Variants in CUL3 observed in about 807,000 individuals in gnomAD.
CUL3 encodes the protein cullin 3.
In CUL3, 19 loss-of-function variants were observed where a neutral mutation model predicts 89.1. The observed-to-expected ratio is 0.21, with a 90% CI of 0.15 to 0.31. The LOEUF (loss-of-function observed/expected upper bound fraction) is 0.31. Among genes scored for constraint, CUL3 ranks in the 10% least tolerant of loss-of-function variants. The pLI, the probability that CUL3 is intolerant of heterozygous loss-of-function variation, is 1.00. For missense variants in CUL3, 469 were observed against 942.3 expected, an observed-to-expected ratio of 0.50 and a Z score of 6.58; for synonymous variants, 351 against 308.4, an observed-to-expected ratio of 1.14 and a Z score of -1.45.
In CUL3 at chr2:224,472,139, A is replaced by G. The variant is rs1224337014; in HGVS notation, c.*2106T>C. The G allele has an allele frequency of 8.7e-6, 2 of 229,024 alleles. No individual in the cohort carries two copies. The highest frequency in any genetic ancestry group is 1.7e-5 in the Non-Finnish European group (2 of 115,534). The allele number at this position is 229,024 out of a possible 1,614,324, so 14.2% of individuals were successfully genotyped here. A position where few individuals can be genotyped will look rare whatever the true frequency, so the allele number is the denominator to read the frequency against. On this transcript the variant is annotated 3_prime_UTR_variant, in exon 16 of 16. Coordinates refer to ENST00000264414, the MANE Select transcript of CUL3 (RefSeq NM_003590.5). The stretch of plus-strand genomic sequence containing the variant: ...ATCTCCAACCATTCAACTGCAATTC[A>G]GAAATGTTTTAATGTATTTAGAAGC...
At position 224,485,279 on chromosome 2, in the gene CUL3, C is replaced by T. The variant is rs543212888; in HGVS notation, c.1843-3201G>A. 6.6e-6 allele frequency: 1 copy of T among 152,440 alleles called. No individual in the cohort carries two copies. The highest frequency in any genetic ancestry group is 1.9e-4 in the East Asian group (1 of 5,176). 9.4% of individuals were successfully genotyped at this position (152,440 alleles called of 1,614,324 possible). A position where few individuals can be genotyped will look rare whatever the true frequency, so the allele number is the denominator to read the frequency against. Reference sequence around the variant, plus strand: ...CCCCAGCGAGAGAGAACCGTCCACTCCCCTGGAAAGGGGGCTGAAGCCAGG... The same window carrying T: ...CCCCAGCGAGAGAGAACCGTCCACTTCCCTGGAAAGGGGGCTGAAGCCAGG... On this transcript the variant is annotated intron_variant, in intron 13 of 15. Transcript: ENST00000264414. The surrounding 1 kb of genome is among the most constrained non-coding windows in gnomAD (Gnocchi z 4.1).
intron 2 of CUL3, among the ~76,000 whole-genome samples, chr2:224,539,545 G>A (rs1694017582): frequency 6.6e-6 from 1 of 152,162 alleles, no homozygotes; most frequent in Non-Finnish European, 1.5e-5. Flanking sequence ...CAACTTGGAA[G>A]AAACCAAGAC....
intron 13 of CUL3, among the ~76,000 whole-genome samples, chr2:224,493,019 G>C (rs1692041864): frequency 6.6e-6 from 1 of 152,142 alleles, no homozygotes; most frequent in Non-Finnish European, 1.5e-5. Flanking sequence ...AACCACCCTG[G>C]AAGTGTATTC....
At position 224,570,481 on chromosome 2, in the gene CUL3, ATGTT is replaced by A. The variant is rs758492399; in HGVS notation, c.67-12629_67-12626del. ...GGCACACAGCACTTGCTCAATAAAT[ATGTT>A]TGTTTCTTCCTTGCCTATGTAGAAG... On this transcript the variant is annotated intron_variant, in intron 1 of 15. Coordinates refer to ENST00000264414, the MANE Select transcript of CUL3 (RefSeq NM_003590.5). Among the ~76,000 whole-genome samples, 3 of 152,302 alleles carry A rather than the reference ATGTT, an allele frequency of 2.0e-5. No homozygotes were observed. In the East Asian group the frequency reaches 5.8e-4, roughly 29 times the overall value.
At chr2:224,578,176 T>C (rs1295051619) in intron 1 of CUL3, among the ~76,000 whole-genome samples, 1 of 152,164 alleles carries the variant, frequency 6.6e-6, no homozygotes, top group African/African-American at 2.4e-5. Context: ...CTCAAATATT[T>C]ATGTGTCTAA....
At chr2:224,477,096 T>C (rs1691351319) in intron 15 of CUL3, among the ~76,000 whole-genome samples, 1 of 151,468 alleles carries the variant, frequency 6.6e-6, no homozygotes, top group Admixed American at 6.6e-5. Context: ...ACTCACTCCT[T>C]GTAATTCTCT....
intron 3 of CUL3, among the ~76,000 whole-genome samples, chr2:224,517,707 A>G (rs183145235): frequency 9.7e-4 from 147 of 152,310 alleles, no homozygotes; most frequent in African/African-American, 3.4e-3. Context: ...CTCATACATA[A>G]TAAATTGTCT....
In CUL3 at chr2:224,585,156, G is replaced by T; in HGVS notation, c.-147C>A. ...GGGCTGGGGAGCTGGCCGGCCCCTG[G>T]GCAGCCGCGGCGGCGGCGGGGGCGG... is the stretch of plus-strand genomic sequence containing the variant. On this transcript the variant is annotated 5_prime_UTR_variant, in exon 1 of 16. Transcript: ENST00000264414. 1 of 387,184 alleles carries T rather than the reference G, an allele frequency of 2.6e-6. No individual in the cohort carries two copies. The highest frequency in any genetic ancestry group is 3.7e-6 in the Non-Finnish European group (1 of 270,160). The allele number at this position is 387,184 out of a possible 1,614,324, so 24.0% of individuals were successfully genotyped here. A position where few individuals can be genotyped will look rare whatever the true frequency, so the allele number is the denominator to read the frequency against.
rs562583026 is a variant in CUL3, at chr2:224,577,442, A to G, written c.66+7502T>C. On this transcript the variant is annotated intron_variant, in intron 1 of 15. Coordinates refer to ENST00000264414, the MANE Select transcript of CUL3 (RefSeq NM_003590.5). ...AAATTAGCCAGGCGTGGTGGCAGGC[A>G]CCTGTAGTCCCAGCTACCAGGGAGG... Among the ~76,000 whole-genome samples the G allele has an allele frequency of 3.3e-5, 5 of 152,086 alleles. No individual in the cohort carries two copies. The South Asian group carries it at 8.3e-4, about 25-fold the overall frequency.
intron 1 of CUL3, among the ~76,000 whole-genome samples, chr2:224,565,475 T>C (rs145273956): frequency 2.6e-5 from 4 of 152,318 alleles, no homozygotes; most frequent in Non-Finnish European, 5.9e-5. Context: ...ACATTGTAAT[T>C]TGCCTGACTT....
At chr2:224,539,132 T>C (rs1694001107) in intron 2 of CUL3, among the ~76,000 whole-genome samples, 1 of 152,066 alleles carries the variant, frequency 6.6e-6, no homozygotes. Context: ...ACTTAGAAAG[T>C]AACTCAATTT....
At chr2:224,565,628 C>T (rs1695024637) in intron 1 of CUL3, among the ~76,000 whole-genome samples, 1 of 152,196 alleles carries the variant, frequency 6.6e-6, no homozygotes, top group African/African-American at 2.4e-5. Context: ...AACCTCCTGC[C>T]AGATTCTCTA....
At chr2:224,563,173 A>G in intron 1 of CUL3, 1 of 455,696 alleles carries the variant, frequency 2.2e-6, no homozygotes, top group South Asian at 1.6e-5. Flanking sequence ...CACCTTAAGA[A>G]TAACACTATG....
rs1410697260 is a variant in CUL3 at position 224,520,417 on chromosome 2, AACTTCATTTGTAACATAAGC to A, written c.379-5665_379-5646del. On this transcript the variant is annotated intron_variant, in intron 3 of 15. Transcript: ENST00000264414. ...ATCCATACAGTAAGCTTGATAAACC[AACTTCATTTGTAACATAAGC>A]ACTTCATTTGTAACATAACATCTAT... 3.3e-5 allele frequency among the ~76,000 whole-genome samples: 5 copies of A among 152,220 alleles called. No individual in the cohort carries two copies. The South Asian group carries it at 6.2e-4, about 19-fold the overall frequency.
intron 7 of CUL3, 89 bp from the exon 8 acceptor site, chr2:224,506,221 G>T: frequency 2.3e-6 from 2 of 861,888 alleles, no homozygotes; most frequent in Non-Finnish European, 3.4e-6. Flanking sequence ...TCTTAACTTT[G>T]CTGGTAATAA....
At chr2:224,531,277 G>A (rs1693686819) in intron 3 of CUL3, among the ~76,000 whole-genome samples, 1 of 151,702 alleles carries the variant, frequency 6.6e-6, no homozygotes. Context: ...TAGTAGAGAT[G>A]GGGTTTCACC....
chr2:224,540,256 C>T (rs1213630252), intron 2 of CUL3, among the ~76,000 whole-genome samples: 2 of 151,966 alleles, frequency 1.3e-5, no homozygotes, highest in African/African-American at 2.4e-5. Context: ...AACGGTTTCA[C>T]CTTGTTAGCC....
chr2:224,489,017 A>G (rs1374337719), intron 13 of CUL3, among the ~76,000 whole-genome samples: 8 of 152,226 alleles, frequency 5.3e-5, no homozygotes, highest in Non-Finnish European at 1.2e-4. Context: ...AAACCACATG[A>G]TTATCTCAAT....
chr2:224,564,996 C>T (rs552370699), intron 1 of CUL3, among the ~76,000 whole-genome samples: 1 of 152,264 alleles, frequency 6.6e-6, no homozygotes, highest in Admixed American at 6.5e-5. Flanking sequence ...ACATTAACCC[C>T]AAGGTATTTC....
Sources: gnomAD v4.1 joint callset for allele counts (sites outside exome capture counted in the v4.1 genomes callset) on GRCh38, gnomAD v4.1.1 for gene constraint, Gnocchi (gnomAD v3.1) non-coding constraint, MANE v1.5 for transcripts, NCBI Gene and HGNC (gene_info 2026-07-23, HGNC 2026-07-21) for gene names.